Variants in KHDRBS2 observed in about 807,000 individuals in gnomAD.
The protein encoded by KHDRBS2 is KH RNA binding domain containing, signal transduction associated 2, also known as KH domain-containing, RNA-binding, signal transduction-associated protein 2.
Under a neutral mutation model 44.3 loss-of-function variants are expected in KHDRBS2, and 26 were observed. The ratio of observed to expected loss-of-function variants is 0.59; its 90% CI spans 0.43 to 0.81. The LOEUF (loss-of-function observed/expected upper bound fraction) is 0.81, where lower values mean the gene tolerates loss of function less well. Ranked by LOEUF, KHDRBS2 falls within the 40% of genes least tolerant of loss-of-function variation. The pLI, the probability that KHDRBS2 is intolerant of heterozygous loss-of-function variation, is 0.00. For synonymous variants in KHDRBS2, 194 were observed against 151.1 expected (o/e 1.28, Z -2.08); for missense variants, 476 against 433.1 (o/e 1.10, Z -0.88).
intron 4 of KHDRBS2, among the ~76,000 whole-genome samples, chr6:61,955,166 A>G (rs139587982): frequency 0.01 from 1,473 of 145,024 alleles, 27 homozygotes; most frequent in African/African-American, 0.035. Context: ...GTATGTATAC[A>G]TATGTGTATA....
chr6:62,200,294 A>G (rs543281582), intron 1 of KHDRBS2, among the ~76,000 whole-genome samples: 1 of 152,312 alleles, frequency 6.6e-6, no homozygotes, highest in South Asian at 2.1e-4. Flanking sequence ...CAGAGTGAAC[A>G]GGCAACTGAC....
the KHDRBS2 span, among the ~76,000 whole-genome samples, chr6:61,669,431 T>G: frequency 2.0e-5 from 3 of 150,886 alleles, no homozygotes; most frequent in Admixed American, 2.0e-4. Flanking sequence ...AATATATATT[T>G]GCTTATAAAT....
intron 6 of KHDRBS2, among the ~76,000 whole-genome samples, chr6:61,799,919 G>A (rs186522740): frequency 3.3e-5 from 5 of 152,172 alleles, no homozygotes; most frequent in African/African-American, 1.2e-4. Flanking sequence ...GTGTATGCAT[G>A]TGTATGCATC....
intron 3 of KHDRBS2, among the ~76,000 whole-genome samples, chr6:62,023,120 T>C (rs1277076088): frequency 6.6e-6 from 1 of 151,676 alleles, no homozygotes; most frequent in Non-Finnish European, 1.5e-5. Context: ...CATCAAAACC[T>C]AGGAGGTCAA....
At chr6:61,864,854 TG>T (rs1218353760) in intron 6 of KHDRBS2, among the ~76,000 whole-genome samples, 1 of 152,202 alleles carries the variant, frequency 6.6e-6, no homozygotes, top group Non-Finnish European at 1.5e-5. Flanking sequence ...TTCTGAAGTA[TG>T]TTTTCCATTC....
chr6:61,601,330 C>A, the KHDRBS2 span, among the ~76,000 whole-genome samples: 1 of 151,960 alleles, frequency 6.6e-6, no homozygotes, highest in Admixed American at 6.6e-5. Context: ...GGCAAACTTC[C>A]ACCCTCCATT....
At chr6:61,548,780 T>C in the KHDRBS2 span, among the ~76,000 whole-genome samples, 5 of 151,868 alleles carry the variant, frequency 3.3e-5, no homozygotes, top group Non-Finnish European at 7.4e-5. Context: ...TGGTTGAAAA[T>C]AGGAAAAAGT....
chr6:61,766,267 G>A (rs184185052), intron 6 of KHDRBS2, among the ~76,000 whole-genome samples: 1 of 151,826 alleles, frequency 6.6e-6, no homozygotes, highest in Non-Finnish European at 1.5e-5. Flanking sequence ...TTCACATATA[G>A]TTGCTCATAG....
At chr6:62,229,603 C>T (rs1490706340) in intron 1 of KHDRBS2, among the ~76,000 whole-genome samples, 3 of 152,192 alleles carry the variant, frequency 2.0e-5, no homozygotes, top group Admixed American at 6.5e-5. Flanking sequence ...TGTGCAGCTC[C>T]ATGGTTGGGA....
the KHDRBS2 span, among the ~76,000 whole-genome samples, chr6:61,580,384 A>T: frequency 1.3e-5 from 2 of 152,108 alleles, no homozygotes; most frequent in Non-Finnish European, 2.9e-5. Context: ...CACTCTGTAA[A>T]ATAGACCAAT....
chr6:62,138,295 G>A (rs566951236), intron 2 of KHDRBS2, among the ~76,000 whole-genome samples: 1 of 152,244 alleles, frequency 6.6e-6, no homozygotes, highest in East Asian at 1.9e-4. Flanking sequence ...CTGTGCCCTT[G>A]AAATGCATTT....
chr6:61,588,627 A>G, the KHDRBS2 span, among the ~76,000 whole-genome samples: 15 of 152,240 alleles, frequency 9.9e-5, no homozygotes, highest in Middle Eastern at 3.4e-3. Context: ...CTACAAAAAA[A>G]CAAAACCAAA....
At chr6:62,108,861 C>A (rs183181505) in intron 2 of KHDRBS2, among the ~76,000 whole-genome samples, 1 of 152,194 alleles carries the variant, frequency 6.6e-6, no homozygotes, top group East Asian at 1.9e-4. Context: ...AAACCAAACA[C>A]CGCATGTTCT....
chr6:62,271,439 T>G (rs1840075837), intron 1 of KHDRBS2, among the ~76,000 whole-genome samples: 1 of 152,198 alleles, frequency 6.6e-6, no homozygotes, highest in Non-Finnish European at 1.5e-5. Context: ...GTGTTACTAT[T>G]TTATGTATGT....
rs1310379489 is a variant in KHDRBS2, at chr6:61,785,285, T to G, written c.811-52521A>C. ...GCTAATTTATAAAATAAGATACCAC[T>G]TTTTTGGCCTCTCATCTCAACAAAA... On this transcript the variant is annotated intron_variant, in intron 6 of 8. Coordinates refer to ENST00000281156, the MANE Select transcript of KHDRBS2 (RefSeq NM_152688.4). 1.8e-4 allele frequency among the ~76,000 whole-genome samples: 27 copies of G among 152,060 alleles called. No individual in the cohort carries two copies. In the South Asian group the frequency reaches 5.2e-3, roughly 29 times the overall value.
the KHDRBS2 span, among the ~76,000 whole-genome samples, chr6:61,640,536 T>C: frequency 6.6e-6 from 1 of 152,216 alleles, no homozygotes; most frequent in South Asian, 2.1e-4. Flanking sequence ...ACAAGGCTAT[T>C]GAATGCTTAG....
At chr6:62,203,786 T>C (rs1827458546) in intron 1 of KHDRBS2, among the ~76,000 whole-genome samples, 1 of 152,150 alleles carries the variant, frequency 6.6e-6, no homozygotes, top group Admixed American at 6.6e-5. Flanking sequence ...ATTTGGCACT[T>C]CCTACATACC....
At chr6:61,869,156 A>C (rs1004358630) in intron 6 of KHDRBS2, among the ~76,000 whole-genome samples, 2 of 152,106 alleles carry the variant, frequency 1.3e-5, no homozygotes, top group Admixed American at 6.5e-5. Context: ...TCCATGGGTC[A>C]AGTTGTTTTC....
chr6:62,234,257 A>T (rs2150161526), intron 1 of KHDRBS2, among the ~76,000 whole-genome samples: 1 of 152,258 alleles, frequency 6.6e-6, no homozygotes, highest in Admixed American at 6.5e-5. Context: ...AGTTTACTAC[A>T]TACTAGTTAG....
Sources: gnomAD v4.1 joint callset for allele counts (sites outside exome capture counted in the v4.1 genomes callset) on GRCh38, gnomAD v4.1.1 for gene constraint, MANE v1.5 for transcripts, NCBI Gene and HGNC (gene_info 2026-07-23, HGNC 2026-07-21) for gene names.